Variants in SGCZ observed in about 807,000 individuals in gnomAD.
SGCZ encodes the protein zeta-sarcoglycan.
A neutral mutation model predicts 41.3 loss-of-function variants in SGCZ; 40 were observed. The ratio of observed to expected loss-of-function variants is 0.97; its 90% CI spans 0.75 to 1.26. The LOEUF is 1.26. Among genes scored for constraint, SGCZ ranks in the 50% most tolerant of loss-of-function variants. The probability of loss-of-function intolerance (pLI) is 0.00; values close to 1 mark genes in which losing one functional copy is unlikely to be tolerated. For missense variants in SGCZ, 552 were observed against 369.8 expected (o/e 1.49, Z -4.04); for synonymous variants, 206 against 137.5 (o/e 1.50, Z -3.49).
chr8:14,976,549 C>G (rs1801485711), intron 1 of SGCZ, among the ~76,000 whole-genome samples: 1 of 152,042 alleles, frequency 6.6e-6, no homozygotes, highest in African/African-American at 2.4e-5. Flanking sequence ...TTCCTATGAC[C>G]CTTACACCCT....
At chr8:14,133,579 C>G (rs538638409) in intron 5 of SGCZ, among the ~76,000 whole-genome samples, 1 of 152,192 alleles carries the variant, frequency 6.6e-6, no homozygotes, top group South Asian at 2.1e-4. Flanking sequence ...TGTCTGAAGA[C>G]TGCCATAGAG....
rs746217190 is a variant in SGCZ at position 14,102,369 on chromosome 8, G to T, written c.744+7C>A. On this transcript the variant is annotated splice_region_variant and intron_variant, in intron 7 of 7. Coordinates refer to ENST00000382080, the MANE Select transcript of SGCZ (RefSeq NM_139167.4). ...ATAGGGCGAGGGTCCAACTTTCTGG[G>T]ACTCACCTCCCCTTCTGTAGATTGC... The T allele has an allele frequency of 6.8e-7, 1 of 1,472,544 alleles. No individual in the cohort carries two copies. The highest frequency in any genetic ancestry group is 9.1e-7 in the Non-Finnish European group (1 of 1,095,320). The allele number at this position is 1,472,544 out of a possible 1,614,324, so 91.2% of individuals were successfully genotyped here. A position where few individuals can be genotyped will look rare whatever the true frequency, so the allele number is the denominator to read the frequency against.
intron 1 of SGCZ, among the ~76,000 whole-genome samples, chr8:14,765,026 A>G (rs1799997901): frequency 6.6e-6 from 1 of 152,198 alleles, no homozygotes; most frequent in African/African-American, 2.4e-5. Context: ...GATGGAAATG[A>G]AAGTTATATG....
At chr8:14,650,830 G>C (rs959945582) in intron 1 of SGCZ, among the ~76,000 whole-genome samples, 3 of 152,042 alleles carry the variant, frequency 2.0e-5, no homozygotes, top group African/African-American at 7.3e-5. Context: ...AAATGTTTAT[G>C]TGGTAAAATA....
In SGCZ at chr8:14,275,870, G is replaced by A. The variant is rs1047446929; in HGVS notation, c.337-38191C>T. 2.6e-5 allele frequency among the ~76,000 whole-genome samples: 4 copies of A among 152,138 alleles called. No individual in the cohort carries two copies. In the South Asian group the frequency reaches 8.3e-4, roughly 31 times the overall value. On this transcript the variant is annotated intron_variant, in intron 3 of 7. Coordinates refer to ENST00000382080, the MANE Select transcript of SGCZ (RefSeq NM_139167.4). ...ACCCCTAATGGCAGCCCACTTAAAT[G>A]GAAGACAGATCCAGGGTAAACATAG... is the stretch of plus-strand genomic sequence containing the variant.
intron 1 of SGCZ, among the ~76,000 whole-genome samples, chr8:14,579,883 C>T (rs183368563): frequency 6.6e-6 from 1 of 152,118 alleles, no homozygotes; most frequent in Non-Finnish European, 1.5e-5. Context: ...CTTATAAGTT[C>T]CCCTGAGTCT....
chr8:14,965,212 T>C (rs1481376250), intron 1 of SGCZ, among the ~76,000 whole-genome samples: 10 of 152,130 alleles, frequency 6.6e-5, no homozygotes, highest in Admixed American at 6.6e-4. Context: ...CTGACCTGAT[T>C]ATGAATCTAA....
intron 1 of SGCZ, among the ~76,000 whole-genome samples, chr8:14,746,626 A>G (rs1213535411): frequency 6.6e-6 from 1 of 152,196 alleles, no homozygotes; most frequent in African/African-American, 2.4e-5. Flanking sequence ...TATTCAATTT[A>G]TTACACACTA....
chr8:14,439,310 A>AAT (rs57569373), intron 2 of SGCZ, among the ~76,000 whole-genome samples: 38,377 of 142,580 alleles, frequency 0.27, 5,458 homozygotes, highest in Admixed American at 0.33. Context: ...AGAAGAAAGA[A>AAT]ATATATATAT....
chr8:14,430,565 A>G (rs1799915623), intron 2 of SGCZ, among the ~76,000 whole-genome samples: 1 of 152,122 alleles, frequency 6.6e-6, no homozygotes, highest in Admixed American at 6.6e-5. Context: ...AAAGCCCCGT[A>G]TAACAAACCC....
intron 1 of SGCZ, among the ~76,000 whole-genome samples, chr8:15,019,831 A>C (rs544043588): frequency 6.7e-6 from 1 of 149,712 alleles, no homozygotes; most frequent in African/African-American, 2.5e-5. Flanking sequence ...ATATTTAGGA[A>C]AACTAAGAAG....
intron 1 of SGCZ, among the ~76,000 whole-genome samples, chr8:14,914,897 A>G (rs184451361): frequency 4.9e-4 from 74 of 152,248 alleles, no homozygotes; most frequent in African/African-American, 1.6e-3. Context: ...AGCCAGCCCA[A>G]TATCCCCCCA....
intron 3 of SGCZ, among the ~76,000 whole-genome samples, chr8:14,264,594 T>TA (rs1799808683): frequency 6.6e-6 from 1 of 152,122 alleles, no homozygotes; most frequent in African/African-American, 2.4e-5. Flanking sequence ...CTGGCGATGA[T>TA]ACAGAGGCAG....
intron 1 of SGCZ, among the ~76,000 whole-genome samples, chr8:14,914,193 T>A (rs1799360223): frequency 6.6e-6 from 1 of 151,460 alleles, no homozygotes; most frequent in African/African-American, 2.4e-5. Flanking sequence ...AATATAGTTA[T>A]ACACAAACAT....
chr8:14,812,305 G>C (rs1801761156), intron 1 of SGCZ, among the ~76,000 whole-genome samples: 1 of 151,834 alleles, frequency 6.6e-6, no homozygotes, highest in Admixed American at 6.6e-5. Flanking sequence ...TATTGTCTCT[G>C]CCCTGCTAAA....
intron 1 of SGCZ, among the ~76,000 whole-genome samples, chr8:14,964,472 C>T (rs1458322152): frequency 6.6e-6 from 1 of 152,118 alleles, no homozygotes; most frequent in African/African-American, 2.4e-5. Flanking sequence ...AACTGGGTTA[C>T]CTCTAAAACA....
At chr8:15,013,236 A>G (rs2130929786) in intron 1 of SGCZ, among the ~76,000 whole-genome samples, 1 of 152,310 alleles carries the variant, frequency 6.6e-6, no homozygotes, top group Non-Finnish European at 1.5e-5. Flanking sequence ...TTGCCTCAAT[A>G]CATTTCTCTC....
intron 3 of SGCZ, among the ~76,000 whole-genome samples, chr8:14,283,006 C>A (rs535848477): frequency 1.3e-5 from 2 of 150,802 alleles, no homozygotes; most frequent in East Asian, 3.9e-4. Flanking sequence ...CCCGCCACCA[C>A]GCCCGGCTAA....
intron 1 of SGCZ, among the ~76,000 whole-genome samples, chr8:14,856,133 G>A (rs1365584297): frequency 8.5e-5 from 13 of 152,156 alleles, no homozygotes; most frequent in Non-Finnish European, 2.9e-5. Flanking sequence ...TGGTGGCTAG[G>A]ATCAAGATAT....
Sources: gnomAD v4.1 joint callset for allele counts (sites outside exome capture counted in the v4.1 genomes callset) on GRCh38, gnomAD v4.1.1 for gene constraint, MANE v1.5 for transcripts, NCBI Gene and HGNC (gene_info 2026-07-23, HGNC 2026-07-21) for gene names.